Variants in SH3TC1 observed in about 807,000 individuals in gnomAD.
The protein encoded by SH3TC1 is SH3 domain and tetratricopeptide repeat-containing protein 1.
Under a neutral mutation model 117.3 loss-of-function variants are expected in SH3TC1, and 135 were observed. That is an observed-to-expected ratio of 1.15 (90% CI 1.00 to 1.33). The LOEUF (loss-of-function observed/expected upper bound fraction) is 1.33. Among genes scored for constraint, SH3TC1 ranks in the 40% most tolerant of loss-of-function variants. The pLI is 0.00. For synonymous variants in SH3TC1, 898 were observed against 816.9 expected (o/e 1.10, Z -1.69); for missense variants, 2,092 against 1,794.3 (o/e 1.17, Z -3.00).
At chr4:8,232,246 A>G in intron 13 of SH3TC1, 90 bp downstream of exon 13, 1 of 1,397,884 alleles carries the variant, frequency 7.2e-7, no homozygotes, top group South Asian at 1.4e-5. Flanking sequence ...CCAGGGCCCC[A>G]GCAGCCCCTC....
At position 8,210,778 on chromosome 4, in the gene SH3TC1, C is replaced by T. The variant is rs551628946; in HGVS notation, c.247+956C>T. 2.8e-5 allele frequency among the ~76,000 whole-genome samples: 4 copies of T among 141,772 alleles called. No homozygotes were observed. The highest frequency in any genetic ancestry group is 4.5e-4 in the South Asian group (2 of 4,480). The allele number at this position is 141,772 out of a possible 152,430, so 93.0% of individuals were successfully genotyped here. On this transcript the variant is annotated intron_variant, in intron 3 of 17. Coordinates refer to ENST00000245105, the MANE Select transcript of SH3TC1 (RefSeq NM_018986.5). This position sits in a 1 kb window ranked among gnomAD's most constrained non-coding sequence, Gnocchi z 4.1. ...AAAAAAAAAAAAAAAAAAAAAAGGC[C>T]GTCACAGCTCAGGAACCATTGTGGA...
rs1411756936 is a variant in SH3TC1, at chr4:8,210,896, G to A, written c.247+1074G>A. Among the ~76,000 whole-genome samples the A allele has an allele frequency of 6.6e-6, 1 of 151,942 alleles. No homozygotes were observed. Among genetic ancestry groups the A allele is most frequent in the Non-Finnish European group, 1.5e-5 (1 of 67,972 alleles). ...TTGGCCCTTCCCCCATAGGGGGTGA[G>A]GGTGTTTGCTCAAGGGTCCCCTAGC... is the stretch of plus-strand genomic sequence containing the variant. On this transcript the variant is annotated intron_variant, in intron 3 of 17. Coordinates refer to ENST00000245105, the MANE Select transcript of SH3TC1 (RefSeq NM_018986.5). The surrounding 1 kb of genome is among the most constrained non-coding windows in gnomAD (Gnocchi z 4.1).
rs368860589 is a variant in SH3TC1, at chr4:8,205,151, C to A, written c.-28-16C>A. 16 of 1,459,848 alleles carry A rather than the reference C, an allele frequency of 1.1e-5. No individual in the cohort carries two copies. The African/African-American group carries it at 1.3e-4, about 12-fold the overall frequency. The allele number at this position is 1,459,848 out of a possible 1,614,324, so 90.4% of individuals were successfully genotyped here. A position where few individuals can be genotyped will look rare whatever the true frequency, so the allele number is the denominator to read the frequency against. On this transcript the variant is annotated splice_polypyrimidine_tract_variant and intron_variant, in intron 1 of 17. Transcript: ENST00000245105. This position sits in a 1 kb window ranked among gnomAD's most constrained non-coding sequence, Gnocchi z 5.4. ...GGAGGGGCCACCTCTCCTGACCACA[C>A]CCCCTCTGTCCACAGGGCCAGGCAT...
At chr4:8,219,701 C>A (rs542030940) in intron 9 of SH3TC1, among the ~76,000 whole-genome samples, 171 bp downstream of exon 9, 7 of 152,214 alleles carry the variant, frequency 4.6e-5, no homozygotes, top group Non-Finnish European at 1.0e-4. Flanking sequence ...GTGCCTGACT[C>A]CAGGGTTCCC....
chr4:8,205,396 C>A lies in SH3TC1; in HGVS notation c.172+30C>A. On this transcript the variant is annotated intron_variant, in intron 2 of 17. Coordinates refer to ENST00000245105, the MANE Select transcript of SH3TC1 (RefSeq NM_018986.5). The surrounding 1 kb of genome is among the most constrained non-coding windows in gnomAD (Gnocchi z 5.4). The stretch of plus-strand genomic sequence containing the variant: ...GTTCATTCCACCCTCACCACCCGCC[C>A]TCCATCCCACCCACTTCTCCACCCC... 6.6e-7 allele frequency: 1 copy of A among 1,525,004 alleles called. No individual in the cohort carries two copies. 94.5% of individuals were successfully genotyped at this position (1,525,004 alleles called of 1,614,324 possible). A position where few individuals can be genotyped will look rare whatever the true frequency, so the allele number is the denominator to read the frequency against.
At chr4:8,213,016 CTTGCTTTGTGG>C in intron 4 of SH3TC1, 188 bp downstream of exon 4, 1 of 743,250 alleles carries the variant, frequency 1.3e-6, no homozygotes, top group Non-Finnish European at 2.1e-6. Context: ...GTTTCTCCCA[CTTGCTTTGTGG>C]AGGGCACTGT....
rs1024358905 is a variant in SH3TC1, at chr4:8,216,124, C to T, written c.495C>T (p.His165=). The change falls in exon 6 of 18, where the codon CAC becomes CAT. Residue 165 remains histidine (H), a synonymous_variant. Transcript: ENST00000245105. The stretch of plus-strand genomic sequence containing the variant: ...TGGCCTCCACAGGCTTCACTCATCA[C>T]TGCCTGGCAAACCTGCTCATGGACC... ...STYHALGFTH[H]CLANLLMDQA... 6.2e-7 allele frequency: 1 copy of T among 1,613,352 alleles called. No individual in the cohort carries two copies. Among genetic ancestry groups the T allele is most frequent in the African/African-American group, 1.3e-5 (1 of 75,056 alleles).
At chr4:8,215,937 C>CCG (rs542785637) in intron 5 of SH3TC1, among the ~76,000 whole-genome samples, 174 bp from the exon 6 acceptor site, 97,460 of 151,900 alleles carry the variant, frequency 0.64, 31,667 homozygotes, top group East Asian at 0.82. Context: ...GGTGGTCAGG[C>CCG]CGTGGGCTGC....
chr4:8,206,436 G>T lies in SH3TC1; in HGVS notation c.172+1070G>T, dbSNP rs1017093021. Among the ~76,000 whole-genome samples the T allele has an allele frequency of 1.3e-5, 2 of 152,088 alleles. No homozygotes were observed. Among genetic ancestry groups the T allele is most frequent in the Admixed American group, 6.5e-5 (1 of 15,274 alleles). ...CACGAGTGCACAAGGAGACTGAGAC[G>T]CGCAGGAGGGCCCTGGCCAGCCTCC... On this transcript the variant is annotated intron_variant, in intron 2 of 17. Transcript: ENST00000245105. This position sits in a 1 kb window ranked among gnomAD's most constrained non-coding sequence, Gnocchi z 5.5.
upstream of SH3TC1, among the ~76,000 whole-genome samples, chr4:8,198,691 G>C (rs991932746): frequency 1.1e-4 from 17 of 152,224 alleles, no homozygotes; most frequent in African/African-American, 3.9e-4. Flanking sequence ...GGCCAGGCTA[G>C]CAAGGAGAGC....
Position 8,205,799 on chromosome 4 carries a change from G to A in SH3TC1, c.172+433G>A, listed in dbSNP as rs1340781450. ...CCAGGCCACCCTGTGGTCAGGGGCC[G>A]GGCCAGGACGTGTGCCCAGTTTCCT... On this transcript the variant is annotated intron_variant, in intron 2 of 17. Transcript: ENST00000245105. The surrounding 1 kb of genome is among the most constrained non-coding windows in gnomAD (Gnocchi z 5.4). 8.2e-6 allele frequency: 5 copies of A among 607,302 alleles called. No individual in the cohort carries two copies. The highest frequency in any genetic ancestry group is 3.9e-5 in the South Asian group (2 of 51,574). The allele number at this position is 607,302 out of a possible 1,614,324, so 37.6% of individuals were successfully genotyped here.
At chr4:8,231,028 CGCCTCG>C (rs1721154939) in intron 12 of SH3TC1, 1 of 152,092 alleles carries the variant, frequency 6.6e-6, no homozygotes, top group African/African-American at 2.4e-5. Flanking sequence ...GCGATCCTCC[CGCCTCG>C]GCCTCCCGCA....
chr4:8,187,554 C>CTTTTT (rs764585932), intron 1 of SH3TC1, among the ~76,000 whole-genome samples: 9 of 139,964 alleles, frequency 6.4e-5, no homozygotes, highest in Non-Finnish European at 6.3e-5. Context: ...CTTTTCTTTT[C>CTTTTT]TTTTTTTTTT....
chr4:8,235,656 G>T lies in SH3TC1; in HGVS notation c.3405+101G>T, dbSNP rs565893676. The T allele has an allele frequency of 2.1e-5, 29 of 1,414,046 alleles. No individual in the cohort carries two copies. The East Asian group carries it at 5.5e-4, about 27-fold the overall frequency. The allele number at this position is 1,414,046 out of a possible 1,614,324, so 87.6% of individuals were successfully genotyped here. A position where few individuals can be genotyped will look rare whatever the true frequency, so the allele number is the denominator to read the frequency against. On this transcript the variant is annotated intron_variant, in intron 15 of 17. Transcript: ENST00000245105. ...GCAGAGCCCTCGCACCTGGAGGCAG[G>T]GCCGCCCATGCACATGCTTAGTTTC... is the stretch of plus-strand genomic sequence containing the variant.
chr4:8,201,191 C>A (rs188787987), intron 1 of SH3TC1, among the ~76,000 whole-genome samples: 1 of 152,310 alleles, frequency 6.6e-6, no homozygotes, highest in African/African-American at 2.4e-5. Context: ...CAGGGCTGGC[C>A]GCGGCCCTCT....
At chr4:8,187,369 G>T (rs1047555498) in intron 1 of SH3TC1, among the ~76,000 whole-genome samples, 8 of 150,942 alleles carry the variant, frequency 5.3e-5, no homozygotes, top group Non-Finnish European at 4.4e-5. Flanking sequence ...TATCCTCTGT[G>T]GAAGGACGCC....
rs1561685576 is a variant in SH3TC1 at position 8,211,294 on chromosome 4, C to CTTCTCCCTCCCTCTCCCCACCGTCCT, written c.248-1407_248-1406insTTCTCCCTCCCTCTCCCCACCGTCCT. The stretch of plus-strand genomic sequence containing the variant: ...TCCCCCTCCCTCCTTCTCCCCCTCC[C>CTTCTCCCTCCCTCTCCCCACCGTCCT]GTTTTCTCCCTCCTCCCTCCTTCTC... On this transcript the variant is annotated intron_variant, in intron 3 of 17. Coordinates refer to ENST00000245105, the MANE Select transcript of SH3TC1 (RefSeq NM_018986.5). 1.2e-3 allele frequency among the ~76,000 whole-genome samples: 54 copies of CTTCTCCCTCCCTCTCCCCACCGTCCT among 46,076 alleles called. 6 individuals are homozygous for CTTCTCCCTCCCTCTCCCCACCGTCCT. The highest frequency in any genetic ancestry group is 4.6e-3 in the African/African-American group (51 of 11,124). 30.2% of individuals were successfully genotyped at this position (46,076 alleles called of 152,430 possible). A position where few individuals can be genotyped will look rare whatever the true frequency, so the allele number is the denominator to read the frequency against.
Position 8,186,630 on chromosome 4 carries a change from G to T in SH3TC1, c.-57+4420G>T, listed in dbSNP as rs993962937. Among the ~76,000 whole-genome samples, 5 of 152,094 alleles carry T rather than the reference G, an allele frequency of 3.3e-5. No homozygotes were observed. Among genetic ancestry groups the T allele is most frequent in the African/African-American group, 7.2e-5 (3 of 41,418 alleles). ...ATCTAAAACTTTAAAATAAAGTTTA[G>T]GTTAAAAAAACACTTTTAAAAAGCC... On this transcript the variant is annotated intron_variant, in intron 1 of 16. Coordinates refer to the SH3TC1 transcript ENST00000508641. The surrounding 1 kb of genome is among the most constrained non-coding windows in gnomAD (Gnocchi z 5.2).
intron 3 of SH3TC1, among the ~76,000 whole-genome samples, chr4:8,211,659 T>C (rs1315986937): frequency 1.3e-5 from 2 of 151,232 alleles, no homozygotes; most frequent in Non-Finnish European, 2.9e-5. Context: ...GGGAACACTT[T>C]TTTCTCAGCG....
Sources: allele counts gnomAD v4.1 joint callset (sites outside exome capture counted in the v4.1 genomes callset), GRCh38; gene constraint gnomAD v4.1.1; non-coding constraint Gnocchi (gnomAD v3.1); transcripts MANE v1.5; gene names NCBI Gene and HGNC (gene_info 2026-07-23, HGNC 2026-07-21).